The following UBXN1 variants were observed in gnomAD, a reference collection of about 807,000 sequenced individuals.
UBXN1 encodes UBX domain protein 1.
Under a neutral mutation model 42.0 loss-of-function variants are expected in UBXN1, and 21 were observed. The observed-to-expected ratio is 0.50, with a 90% CI of 0.35 to 0.72. UBXN1 has a LOEUF of 0.72. Ranked by LOEUF, UBXN1 falls within the 30% of genes least tolerant of loss-of-function variation. The pLI is 0.00. For missense variants in UBXN1, 374 were observed against 382.2 expected (o/e 0.98, Z 0.18); for synonymous variants, 172 against 142.6 (o/e 1.21, Z -1.47).
At chr11:62,677,720 G>C (rs761146120) in intron 6 of UBXN1, 61 bp downstream of exon 6, 80 of 1,613,358 alleles carry the variant, frequency 5.0e-5, no homozygotes, top group Non-Finnish European at 1.8e-5. Flanking sequence ...TCCCTCTGAA[G>C]CTGGAAAAGA....
Position 62,679,012 on chromosome 11 carries a change from C to T in UBXN1, c.-89G>A. 2.8e-6 allele frequency: 4 copies of T among 1,420,450 alleles called. No homozygotes were observed. Among genetic ancestry groups the T allele is most frequent in the Non-Finnish European group, 2.8e-6 (3 of 1,056,606 alleles). 88.0% of individuals were successfully genotyped at this position (1,420,450 alleles called of 1,614,324 possible). ...AGCGCGAGGCAACCCGCCCTCGACACCCGCCGACGGGCGCTCGCTCTCTCA... is the reference window on the plus strand; with the variant it reads ...AGCGCGAGGCAACCCGCCCTCGACATCCGCCGACGGGCGCTCGCTCTCTCA... On this transcript the variant is annotated 5_prime_UTR_variant, in exon 1 of 9. In the 5' UTR this introduces an upstream ATG that the reference lacks. Coordinates refer to ENST00000301935, the MANE Select transcript of UBXN1 (RefSeq NM_001286077.2).
chr11:62,677,772 G>A lies in UBXN1; in HGVS notation c.534+9C>T. 1 of 1,614,234 alleles carries A rather than the reference G, an allele frequency of 6.2e-7. No individual in the cohort carries two copies. The highest frequency in any genetic ancestry group is 2.2e-5 in the East Asian group (1 of 44,886). ...CTCCATTACCCGTGGCGTCTTCTCA[G>A]TCACCTACCTTCTTGGCTCTCTCTG... On this transcript the variant is annotated intron_variant, in intron 6 of 8. Coordinates refer to ENST00000301935, the MANE Select transcript of UBXN1 (RefSeq NM_001286077.2).
chr11:62,677,846 A>C lies in UBXN1; in HGVS notation c.483-14T>G. 1 of 1,614,178 alleles carries C rather than the reference A, an allele frequency of 6.2e-7. No homozygotes were observed. The highest frequency in any genetic ancestry group is 8.5e-7 in the Non-Finnish European group (1 of 1,180,040). On this transcript the variant is annotated splice_polypyrimidine_tract_variant and intron_variant, in intron 5 of 8. Coordinates refer to ENST00000301935, the MANE Select transcript of UBXN1 (RefSeq NM_001286077.2). Reference sequence around the variant, plus strand: ...CTAACTCTTTGTCTGAAATGTAGACAAGAAGAAATTAGGTCAGACATCAAC... The same window carrying C: ...CTAACTCTTTGTCTGAAATGTAGACCAGAAGAAATTAGGTCAGACATCAAC...
chr11:62,677,215 G>A, intron 7 of UBXN1: 3 of 632,240 alleles, frequency 4.7e-6, no homozygotes, highest in East Asian at 2.7e-5. Context: ...GAAAGACAAG[G>A]ATAAGATTAT....
rs771351553 is a variant in UBXN1, at chr11:62,678,341, C to T, written c.288G>A (p.Lys96=). 11 of 1,614,082 alleles carry T rather than the reference C, an allele frequency of 6.8e-6. No individual in the cohort carries two copies. Among genetic ancestry groups the T allele is most frequent in the African/African-American group, 1.3e-5 (1 of 74,938 alleles). ...LSEEERQEQT[K]RMLELVAQKQ... The stretch of plus-strand genomic sequence containing the variant: ...ACGTGAGATTGTTGTTACTGTACCT[C>T]TTAGTTTGTTCCTGTCTTTCCTCTT... The change falls in exon 4 of 9, where the codon AAG becomes AAA. Residue 96 remains lysine, a splice_region_variant and synonymous_variant. Coordinates refer to ENST00000301935, the MANE Select transcript of UBXN1 (RefSeq NM_001286077.2).
At chr11:62,677,218 A>G (rs1017582544) in intron 7 of UBXN1, 1 of 628,392 alleles carries the variant, frequency 1.6e-6, no homozygotes, top group South Asian at 2.0e-5. Flanking sequence ...AGACAAGGAT[A>G]AGATTATACA....
chr11:62,676,913 C>G lies in UBXN1; in HGVS notation c.744G>C (p.Gly248=). 1 of 1,613,810 alleles carries G rather than the reference C, an allele frequency of 6.2e-7. No homozygotes were observed. Among genetic ancestry groups the G allele is most frequent in the Non-Finnish European group, 8.5e-7 (1 of 1,180,046 alleles). ...AVRLYVELHR[G]EELGGGQDPV... ...GGTCCTGGCCCCCACCTAGTTCCTC[C>G]CCACGGTGGAGCTCCACATAGAGCC... is the stretch of plus-strand genomic sequence containing the variant. Residue 248 remains glycine (G), a synonymous_variant, in exon 8 of 9, where the codon GGG becomes GGC. Transcript: ENST00000301935.
chr11:62,676,715 T>G lies in UBXN1; in HGVS notation c.845-76A>C, dbSNP rs777485362. 72 of 1,613,950 alleles carry G rather than the reference T, an allele frequency of 4.5e-5. No individual in the cohort carries two copies. In the East Asian group the frequency reaches 1.6e-3, roughly 36 times the overall value. On this transcript the variant is annotated intron_variant, in intron 8 of 8. Coordinates refer to ENST00000301935, the MANE Select transcript of UBXN1 (RefSeq NM_001286077.2). ...TCCCAAAATTCCTGGCCTTGCACCA[T>G]GTTCACAAAGCCCCTTCTCTTTGCA...
chr11:62,677,918 T>C lies in UBXN1; in HGVS notation c.482+9A>G. ...CTCATCTGCTATCCATCATTTCCCC[T>C]GCCCAGACCTGGCTGCTAACTCCTC... On this transcript the variant is annotated intron_variant, in intron 5 of 8. Coordinates refer to ENST00000301935, the MANE Select transcript of UBXN1 (RefSeq NM_001286077.2). 1.9e-6 allele frequency: 3 copies of C among 1,613,858 alleles called. No homozygotes were observed. The highest frequency in any genetic ancestry group is 1.7e-6 in the Non-Finnish European group (2 of 1,179,710).
At chr11:62,678,465 A>G in intron 3 of UBXN1, 30 bp downstream of exon 3, 4 of 1,613,344 alleles carry the variant, frequency 2.5e-6, no homozygotes, top group Non-Finnish European at 3.4e-6. Context: ...ACCCTCCTGA[A>G]TAATCACACC....
chr11:62,678,170 G>A (rs775801308), intron 4 of UBXN1, 52 bp from the exon 5 acceptor site: 19 of 1,606,788 alleles, frequency 1.2e-5, no homozygotes, highest in Non-Finnish European at 1.6e-5. Context: ...GTGGGAAGGT[G>A]TAAAGTTTAC....
At chr11:62,677,854 AT>A (rs1161043656) in intron 5 of UBXN1, 22 bp from the exon 6 acceptor site, 2 of 1,614,202 alleles carry the variant, frequency 1.2e-6, no homozygotes, top group Admixed American at 3.3e-5. Flanking sequence ...ACAAGAAGAA[AT>A]TAGGTCAGAC....
Position 62,679,022 on chromosome 11 carries a change from G to T in UBXN1, c.-99C>A. 1 of 1,360,810 alleles carries T rather than the reference G, an allele frequency of 7.3e-7. No individual in the cohort carries two copies. Among genetic ancestry groups the T allele is most frequent in the Non-Finnish European group, 9.9e-7 (1 of 1,005,748 alleles). 84.3% of individuals were successfully genotyped at this position (1,360,810 alleles called of 1,614,324 possible). On this transcript the variant is annotated 5_prime_UTR_variant, in exon 1 of 9. Coordinates refer to ENST00000301935, the MANE Select transcript of UBXN1 (RefSeq NM_001286077.2). ...AACCCGCCCTCGACACCCGCCGACGGGCGCTCGCTCTCTCACCCGGCTCTA... is the reference window on the plus strand; with the variant it reads ...AACCCGCCCTCGACACCCGCCGACGTGCGCTCGCTCTCTCACCCGGCTCTA...
chr11:62,678,203 A>G (rs758189810), intron 4 of UBXN1, 85 bp from the exon 5 acceptor site: 10 of 1,602,890 alleles, frequency 6.2e-6, no homozygotes, highest in South Asian at 1.1e-5. Flanking sequence ...TAGGCGACAT[A>G]TATCCCAAAG....
At position 62,677,546 on chromosome 11, in the gene UBXN1, T is replaced by C; in HGVS notation, c.623A>G (p.Lys208Arg). 3.1e-6 allele frequency: 5 copies of C among 1,614,172 alleles called. No individual in the cohort carries two copies. Among genetic ancestry groups the C allele is most frequent in the Non-Finnish European group, 4.2e-6 (5 of 1,180,026 alleles). The change falls in exon 7 of 9, where the codon AAG becomes AGG. Residue 208 changes from lysine (K) to arginine (R), a missense_variant. By Grantham distance (26) the Lys-to-Arg change is conservative (BLOSUM62 2). Transcript: ENST00000301935. ...TATGCGACACTGGTCATACTCCCGC[T>C]TGGTGGGAGGCTCCTGGCTGGGAGA... Reference protein sequence around the residue: ...PSSPSQEPPTKREYDQCRIQV... With the variant: ...PSSPSQEPPTRREYDQCRIQV...
chr11:62,677,866 A>G (rs760824536), intron 5 of UBXN1, 34 bp from the exon 6 acceptor site: 2 of 1,614,204 alleles, frequency 1.2e-6, no homozygotes, highest in Non-Finnish European at 1.7e-6. Context: ...TAGGTCAGAC[A>G]TCAACAAAGC....
rs1251613237 is a variant in UBXN1 at position 62,678,607 on chromosome 11, A to C, written c.114-6T>G. 1 of 1,612,406 alleles carries C rather than the reference A, an allele frequency of 6.2e-7. No homozygotes were observed. The highest frequency in any genetic ancestry group is 1.3e-5 in the African/African-American group (1 of 74,922). On this transcript the variant is annotated splice_region_variant and splice_polypyrimidine_tract_variant and intron_variant, in intron 2 of 8. Transcript: ENST00000301935. ...CGTCTTCGTGCTCCATCAGCCTGGCAGGGAAAGTGGGCGGGGAGGTTAGCT... is the reference window on the plus strand; with the variant it reads ...CGTCTTCGTGCTCCATCAGCCTGGCCGGGAAAGTGGGCGGGGAGGTTAGCT...
Position 62,677,068 on chromosome 11 carries a change from G to C in UBXN1, c.652-63C>G. 3.3e-6 allele frequency: 5 copies of C among 1,536,714 alleles called. No individual in the cohort carries two copies. The South Asian group carries it at 4.7e-5, about 15-fold the overall frequency. ...AAAACTGAATGAGGTGCCCAAGTAA[G>C]GAAAAGAGCTAAAGCTGGGCCCCCT... is the stretch of plus-strand genomic sequence containing the variant. On this transcript the variant is annotated intron_variant, in intron 7 of 8. Coordinates refer to ENST00000301935, the MANE Select transcript of UBXN1 (RefSeq NM_001286077.2).
chr11:62,677,787 G>C lies in UBXN1; in HGVS notation c.528C>G (p.Ala176=). The C allele has an allele frequency of 6.2e-7, 1 of 1,614,138 alleles. No individual in the cohort carries two copies. The highest frequency in any genetic ancestry group is 2.2e-5 in the East Asian group (1 of 44,886). The part of the protein sequence containing the change: ...EKIERDKAER[A]KKYGGSVGSQ... ...CGTCTTCTCAGTCACCTACCTTCTT[G>C]GCTCTCTCTGCTTTGTCCCTCTCGA... The change falls in exon 6 of 9, where the codon GCC becomes GCG. Residue 176 remains alanine (A), a synonymous_variant. Transcript: ENST00000301935.
Sources: allele counts gnomAD v4.1 joint callset, GRCh38; gene constraint gnomAD v4.1.1; transcripts MANE v1.5; gene names NCBI Gene and HGNC (gene_info 2026-07-23, HGNC 2026-07-21).